The following LRRC49 variants were observed in gnomAD, a reference collection of about 807,000 sequenced individuals.
LRRC49 encodes the protein leucine rich repeat containing 49.
In LRRC49, 50 loss-of-function variants were observed where a neutral mutation model predicts 83.3. The ratio of observed to expected loss-of-function variants is 0.60; its 90% confidence interval spans 0.48 to 0.76. The LOEUF (loss-of-function observed/expected upper bound fraction) is 0.76, where lower values mean the gene tolerates loss of function less well. LRRC49 is among the 30% of genes least tolerant of loss of function. The pLI, the probability that LRRC49 is intolerant of heterozygous loss-of-function variation, is 0.00. For synonymous variants in LRRC49, 286 were observed against 283.3 expected, an observed-to-expected ratio of 1.01 and a Z score of -0.10; for missense variants, 704 against 809.1, an observed-to-expected ratio of 0.87 and a Z score of 1.58.
intron 11 of LRRC49, among the ~76,000 whole-genome samples, chr15:71,004,467 T>C (rs1207813641): frequency 2.0e-5 from 3 of 152,088 alleles, no homozygotes; most frequent in Admixed American, 6.6e-5. Flanking sequence ...CTGGCCAACA[T>C]GGTGAAACCC....
chr15:70,854,345 G>C (rs538280433), intron 1 of LRRC49, among the ~76,000 whole-genome samples: 7 of 152,192 alleles, frequency 4.6e-5, no homozygotes, highest in African/African-American at 1.7e-4. Flanking sequence ...TCCTCCGACG[G>C]AGGCCCGTCC....
intron 1 of LRRC49, among the ~76,000 whole-genome samples, chr15:70,855,164 T>C (rs2032622556): frequency 6.6e-6 from 1 of 151,724 alleles, no homozygotes; most frequent in African/African-American, 2.4e-5. Flanking sequence ...AAACCCTGTC[T>C]TTACTAAAAA....
intron 14 of LRRC49, among the ~76,000 whole-genome samples, chr15:71,021,072 A>C (rs2141276615): frequency 6.6e-6 from 1 of 152,282 alleles, no homozygotes; most frequent in African/African-American, 2.4e-5. Context: ...AAAAAATCTC[A>C]TGTTTTAAGA....
At chr15:70,863,316 G>A (rs752972227) in intron 1 of LRRC49, among the ~76,000 whole-genome samples, 1 of 152,160 alleles carries the variant, frequency 6.6e-6, no homozygotes, top group Non-Finnish European at 1.5e-5. Flanking sequence ...CTGAAGTTTG[G>A]TGGCCACTGA....
intron 8 of LRRC49, among the ~76,000 whole-genome samples, chr15:70,953,233 T>C (rs1464648398): frequency 2.0e-5 from 3 of 152,242 alleles, no homozygotes; most frequent in African/African-American, 2.4e-5. Context: ...ATCAATGAAG[T>C]ATGTGCTTAA....
At chr15:70,892,774 C>T (rs2033637442), upstream of LRRC49, 2 of 1,597,052 alleles carry the variant, frequency 1.3e-6, no homozygotes, top group Non-Finnish European at 1.7e-6. Context: ...CGGAAATGGT[C>T]GTTTCCATGG....
At chr15:70,925,863 G>A (rs2035177230) in intron 7 of LRRC49, among the ~76,000 whole-genome samples, 1 of 152,142 alleles carries the variant, frequency 6.6e-6, no homozygotes, top group African/African-American at 2.4e-5. Context: ...CAACTGTACA[G>A]TTCAATAGCT....
intron 15 of LRRC49, among the ~76,000 whole-genome samples, chr15:71,045,265 A>T (rs1244748776): frequency 6.6e-6 from 1 of 152,200 alleles, no homozygotes; most frequent in East Asian, 1.9e-4. Context: ...TTTAATAAAA[A>T]TTTCAAACAT....
At chr15:70,987,613 G>A (rs1363806638) in intron 11 of LRRC49, among the ~76,000 whole-genome samples, 1 of 151,950 alleles carries the variant, frequency 6.6e-6, no homozygotes, top group Non-Finnish European at 1.5e-5. Flanking sequence ...TTTTTTGAAG[G>A]GTTTTTTGTG....
Position 70,965,887 on chromosome 15 carries a change from G to A in LRRC49, c.921+1955G>A, listed in dbSNP as rs1007820783. ...TTTATAACTTTTTAGTAACTTTAGT[G>A]TGGAAGCTGTACCTTTTTTAAGGAC... is the stretch of plus-strand genomic sequence containing the variant. On this transcript the variant is annotated intron_variant, in intron 9 of 15. Coordinates refer to ENST00000260382, the MANE Select transcript of LRRC49 (RefSeq NM_017691.5). Among the ~76,000 whole-genome samples, 7 of 152,142 alleles carry A rather than the reference G, an allele frequency of 4.6e-5. No individual in the cohort carries two copies. In the South Asian group the frequency reaches 6.2e-4, roughly 14 times the overall value.
intron 5 of LRRC49, among the ~76,000 whole-genome samples, chr15:70,909,156 G>A (rs893703368): frequency 2.6e-5 from 4 of 152,126 alleles, no homozygotes; most frequent in African/African-American, 7.2e-5. Context: ...ACTTTGGGGT[G>A]ATACAATCTC....
rs1596098362 is a variant in LRRC49 at position 70,983,721 on chromosome 15, G to A, written c.1006-373G>A. On this transcript the variant is annotated intron_variant, in intron 10 of 15. Transcript: ENST00000260382. ...ATTAGTTTTTTCTTACTGTGTTAGA[G>A]GCATATAAATTTCTGTTTAAAACTT... 2.0e-5 allele frequency among the ~76,000 whole-genome samples: 3 copies of A among 152,056 alleles called. No homozygotes were observed. The South Asian group carries it at 6.2e-4, about 32-fold the overall frequency.
At chr15:70,940,269 T>G (rs2035760824) in intron 8 of LRRC49, among the ~76,000 whole-genome samples, 1 of 149,400 alleles carries the variant, frequency 6.7e-6, no homozygotes. Flanking sequence ...TTTTTTTTTT[T>G]TTTTTGAGAC....
chr15:70,952,477 A>G (rs1263466976), intron 8 of LRRC49, among the ~76,000 whole-genome samples: 1 of 151,704 alleles, frequency 6.6e-6, no homozygotes, highest in Admixed American at 6.6e-5. Context: ...TGCTATTTTT[A>G]TTGTGCTGTT....
chr15:70,989,612 A>T (rs1318436674), intron 11 of LRRC49, among the ~76,000 whole-genome samples: 2 of 152,128 alleles, frequency 1.3e-5, no homozygotes, highest in African/African-American at 4.8e-5. Flanking sequence ...TGATCATCTG[A>T]AGCCTTCTTC....
At position 71,037,316 on chromosome 15, in the gene LRRC49, A is replaced by G. The variant is rs747525856; in HGVS notation, c.1841A>G (p.Tyr614Cys). ...ATLNYTTRDF[Y>C]NEKLEEIKEK... ...TTAAATTATACTACAAGAGACTTTT[A>G]TAATGAAAAGCTAGAGGTAAAACTA... Residue 614 changes from tyrosine (Y) to cysteine (C), a missense_variant, in exon 15 of 16, where the codon TAT (tyrosine) becomes TGT (cysteine). Coordinates refer to ENST00000260382, the MANE Select transcript of LRRC49 (RefSeq NM_017691.5). 2.5e-6 allele frequency: 4 copies of G among 1,598,652 alleles called. No individual in the cohort carries two copies. The highest frequency in any genetic ancestry group is 2.3e-5 in the South Asian group (2 of 88,140).
chr15:70,936,624 A>C (rs748761840), intron 7 of LRRC49, 137 bp from the exon 8 acceptor site: 4 of 622,522 alleles, frequency 6.4e-6, no homozygotes, highest in South Asian at 4.0e-5. Context: ...AGTGGAGCTC[A>C]CTGTCCAGTA....
At chr15:71,020,767 TAAA>T (rs1418770955) in intron 14 of LRRC49, among the ~76,000 whole-genome samples, 1 of 152,034 alleles carries the variant, frequency 6.6e-6, no homozygotes, top group African/African-American at 2.4e-5. Context: ...AACAAAATAA[TAAA>T]AACAAAATCT....
chr15:70,904,307 G>GT lies in LRRC49; in HGVS notation c.297-239dup, dbSNP rs1326441430. Among the ~76,000 whole-genome samples, 8 of 152,208 alleles carry GT rather than the reference G, an allele frequency of 5.3e-5. No homozygotes were observed. In the East Asian group the frequency reaches 1.5e-3, roughly 29 times the overall value. Reference sequence around the variant, plus strand: ...TTCATGTGAAATAACTTATATTCGAGTTTTTTAAATACAATGAGACCTTAG... The same window carrying GT: ...TTCATGTGAAATAACTTATATTCGAGTTTTTTTAAATACAATGAGACCTTAG... On this transcript the variant is annotated intron_variant, in intron 4 of 15. Transcript: ENST00000260382.
Sources: allele counts gnomAD v4.1 joint callset (sites outside exome capture counted in the v4.1 genomes callset), GRCh38; gene constraint gnomAD v4.1.1; transcripts MANE v1.5; gene names NCBI Gene and HGNC (gene_info 2026-07-23, HGNC 2026-07-21).